EPHA6: variants seen among roughly 807,000 people sequenced by gnomAD.
EPHA6 encodes EPH receptor A6, also known as ephrin type-A receptor 6.
Under a neutral mutation model 112.0 loss-of-function variants are expected in EPHA6, and 50 were observed. The ratio of observed to expected loss-of-function variants is 0.45; its 90% CI spans 0.36 to 0.56. EPHA6 has a LOEUF of 0.56. Among genes scored for constraint, EPHA6 ranks in the 20% least tolerant of loss-of-function variants. The pLI, the probability that EPHA6 is intolerant of heterozygous loss-of-function variation, is 0.00. For missense variants in EPHA6, 1,280 were observed against 1,417.4 expected (o/e 0.90, Z 1.56); for synonymous variants, 529 against 490.7 (o/e 1.08, Z -1.03).
At chr3:96,828,168 TCTC>T (rs750629962) in intron 1 of EPHA6, among the ~76,000 whole-genome samples, 94 of 152,144 alleles carry the variant, frequency 6.2e-4, no homozygotes, top group South Asian at 2.9e-3. Context: ...GAAAAAAAGA[TCTC>T]CTAAACATAT....
intron 5 of EPHA6, among the ~76,000 whole-genome samples, chr3:97,333,318 C>G (rs1273799811): frequency 6.6e-6 from 1 of 151,814 alleles, no homozygotes; most frequent in East Asian, 1.9e-4. Flanking sequence ...GATCGTGTAT[C>G]CTACCACTTT....
At chr3:97,265,804 G>A (rs1300008640) in intron 5 of EPHA6, among the ~76,000 whole-genome samples, 1 of 152,188 alleles carries the variant, frequency 6.6e-6, no homozygotes, top group African/African-American at 2.4e-5. Context: ...TGTTGCAGCC[G>A]GCGCAATGGC....
intron 14 of EPHA6, among the ~76,000 whole-genome samples, chr3:97,639,591 G>C (rs2093983155): frequency 1.3e-5 from 2 of 152,046 alleles, no homozygotes; most frequent in South Asian, 4.1e-4. Context: ...TATATAAATA[G>C]ACTTGAAATT....
At chr3:96,817,320 G>C (rs1216453222) in intron 1 of EPHA6, among the ~76,000 whole-genome samples, 3 of 151,728 alleles carry the variant, frequency 2.0e-5, no homozygotes, top group African/African-American at 7.3e-5. Flanking sequence ...TAAAATGCTA[G>C]GTTTCTAAAT....
chr3:97,604,119 A>G (rs532251414), intron 12 of EPHA6, among the ~76,000 whole-genome samples: 1 of 151,984 alleles, frequency 6.6e-6, no homozygotes, highest in African/African-American at 2.4e-5. Flanking sequence ...ATATACCTAT[A>G]TATAATAAAA....
intron 2 of EPHA6, among the ~76,000 whole-genome samples, chr3:96,903,843 G>C (rs972833168): frequency 1.3e-5 from 2 of 151,994 alleles, no homozygotes; most frequent in African/African-American, 4.8e-5. Context: ...GCAGCCAAAA[G>C]ACACATGAAA....
At chr3:97,532,316 T>C in intron 10 of EPHA6, 42 bp from the exon 11 acceptor site, 1 of 1,537,376 alleles carries the variant, frequency 6.5e-7, no homozygotes, top group Non-Finnish European at 8.8e-7. Context: ...GAAATGTAAG[T>C]GTTCGGTTTA....
chr3:97,522,771 T>G (rs575379647), intron 10 of EPHA6, among the ~76,000 whole-genome samples: 58 of 152,110 alleles, frequency 3.8e-4, no homozygotes, highest in Non-Finnish European at 8.2e-4. Flanking sequence ...TCCTCGTAGA[T>G]TCCATGTTTC....
chr3:97,351,632 C>A (rs2108895772), intron 5 of EPHA6, among the ~76,000 whole-genome samples: 1 of 152,196 alleles, frequency 6.6e-6, no homozygotes, highest in African/African-American at 2.4e-5. Context: ...AAGCAATCTA[C>A]TGTGATGAAT....
intron 10 of EPHA6, among the ~76,000 whole-genome samples, chr3:97,487,842 A>G (rs2091734549): frequency 6.6e-6 from 1 of 152,180 alleles, no homozygotes; most frequent in Admixed American, 6.6e-5. Context: ...GCTTTTTTGC[A>G]CTATAAAATG....
chr3:97,011,152 C>G (rs1355478494), intron 3 of EPHA6, among the ~76,000 whole-genome samples: 1 of 152,154 alleles, frequency 6.6e-6, no homozygotes, highest in African/African-American at 2.4e-5. Context: ...GATGGCCAGA[C>G]TCAAGTCTGA....
intron 2 of EPHA6, among the ~76,000 whole-genome samples, chr3:96,926,375 A>G (rs947889118): frequency 2.6e-5 from 4 of 152,162 alleles, no homozygotes; most frequent in Non-Finnish European, 5.9e-5. Context: ...ACCAGATCAT[A>G]TCATTCCATC....
At chr3:96,976,934 A>G (rs2042548332) in intron 2 of EPHA6, among the ~76,000 whole-genome samples, 1 of 152,182 alleles carries the variant, frequency 6.6e-6, no homozygotes. Context: ...CTGGAGGACT[A>G]AAGTTGGCAG....
chr3:97,465,967 G>GTT (rs200430547), intron 7 of EPHA6, among the ~76,000 whole-genome samples: 11 of 149,548 alleles, frequency 7.4e-5, no homozygotes, highest in African/African-American at 2.7e-4. Context: ...CTGCCCATTT[G>GTT]TTTTTTTTTC....
chr3:96,879,411 C>G (rs2037172632), intron 2 of EPHA6, among the ~76,000 whole-genome samples: 1 of 151,972 alleles, frequency 6.6e-6, no homozygotes, highest in Non-Finnish European at 1.5e-5. Context: ...AATTTGATCT[C>G]ATAGAATTAG....
intron 3 of EPHA6, among the ~76,000 whole-genome samples, chr3:97,176,225 C>T (rs889524653): frequency 6.6e-6 from 1 of 151,736 alleles, no homozygotes. Context: ...TATTGAACCA[C>T]CTTTGCATTG....
intron 1 of EPHA6, among the ~76,000 whole-genome samples, chr3:96,865,015 T>C (rs1372780035): frequency 6.6e-6 from 1 of 152,056 alleles, no homozygotes; most frequent in African/African-American, 2.4e-5. Context: ...TAAAAATGTA[T>C]ACAAGAAACA....
chr3:97,226,422 A>G lies in EPHA6; in HGVS notation c.1270+3A>G, dbSNP rs1272733202. ...CCCACCTTCTATGGCATGTACCAGT[A>G]AGTCTATACATTTTGGATTTGGAAA... On this transcript the variant is annotated splice_donor_region_variant and intron_variant, in intron 4 of 17. Transcript: ENST00000389672. 1.9e-6 allele frequency: 3 copies of G among 1,595,574 alleles called. No individual in the cohort carries two copies. The East Asian group carries it at 6.7e-5, about 36-fold the overall frequency.
In EPHA6 at chr3:96,919,576, T is replaced by C. The variant is rs566210942; in HGVS notation, c.450+52687T>C. ...ATGTCTATTTCAATAGGAGAAACCA[T>C]CTTTTTTAAGTCTATTGAGGCAGGG... is the stretch of plus-strand genomic sequence containing the variant. On this transcript the variant is annotated intron_variant, in intron 2 of 17. Transcript: ENST00000389672. Among the ~76,000 whole-genome samples, 343 of 151,992 alleles carry C rather than the reference T, an allele frequency of 2.3e-3. 3 individuals are homozygous for C. The highest frequency in any genetic ancestry group is 8.0e-3 in the African/African-American group (332 of 41,552).
Sources: allele counts gnomAD v4.1 joint callset (sites outside exome capture counted in the v4.1 genomes callset), GRCh38; gene constraint gnomAD v4.1.1; transcripts MANE v1.5; gene names NCBI Gene and HGNC (gene_info 2026-07-23, HGNC 2026-07-21).